Variants in PDE4D observed in about 807,000 individuals in gnomAD.
The protein encoded by PDE4D is phosphodiesterase 4D.
In PDE4D, 24 loss-of-function variants were observed where a neutral mutation model predicts 87.4. The observed-to-expected ratio is 0.27, with a 90% CI of 0.20 to 0.39. The LOEUF (loss-of-function observed/expected upper bound fraction) is 0.39. Among genes scored for constraint, PDE4D ranks in the 10% least tolerant of loss-of-function variants. The pLI is 1.00. For synonymous variants in PDE4D, 384 were observed against 383.2 expected (o/e 1.00, Z -0.02); for missense variants, 714 against 1,041.0 (o/e 0.69, Z 4.32).
chr5:59,391,267 G>C (rs909458688), intron 1 of PDE4D, among the ~76,000 whole-genome samples: 2 of 151,980 alleles, frequency 1.3e-5, no homozygotes, highest in Non-Finnish European at 2.9e-5. Flanking sequence ...TTCTCCTAGG[G>C]GACTTCATTT....
At chr5:58,982,493 T>A (rs1475803151) in intron 11 of PDE4D, among the ~76,000 whole-genome samples, 1 of 152,146 alleles carries the variant, frequency 6.6e-6, no homozygotes, top group Non-Finnish European at 1.5e-5. Flanking sequence ...AATACCATAG[T>A]TTTGGCAGAA....
At position 59,757,272 on chromosome 5, in the gene PDE4D, T is replaced by C. The variant is rs928250523; in HGVS notation, c.455+135896A>G. On this transcript the variant is annotated intron_variant, in intron 1 of 14. Transcript: ENST00000340635. ...AGGTAGTTTTGGCCCTGTATACATT[T>C]GCTTACGAAAACCAAAAGTCAGACC... Among the ~76,000 whole-genome samples, 8 of 152,320 alleles carry C rather than the reference T, an allele frequency of 5.3e-5. 1 individual carries two copies. The East Asian group carries it at 1.5e-3, about 29-fold the overall frequency.
intron 1 of PDE4D, among the ~76,000 whole-genome samples, chr5:59,234,528 G>A (rs930297072): frequency 6.6e-6 from 1 of 152,064 alleles, no homozygotes; most frequent in African/African-American, 2.4e-5. Flanking sequence ...AGTAGCAATT[G>A]TAATTCTTTT....
intron 11 of PDE4D, among the ~76,000 whole-genome samples, chr5:58,983,772 CA>C (rs1416662533): frequency 1.3e-5 from 2 of 152,178 alleles, no homozygotes; most frequent in African/African-American, 4.8e-5. Flanking sequence ...GAGCCCCACT[CA>C]AAACTAGCAG....
chr5:60,354,222 A>G (rs1252939195), intron 1 of PDE4D, among the ~76,000 whole-genome samples: 1 of 152,110 alleles, frequency 6.6e-6, no homozygotes, highest in East Asian at 1.9e-4. Flanking sequence ...CTATTTAAGA[A>G]ACATTATTTA....
chr5:60,257,253 AAAAGAAAAG>A (rs1749178066), intron 1 of PDE4D, among the ~76,000 whole-genome samples: 2 of 143,078 alleles, frequency 1.4e-5, no homozygotes, highest in African/African-American at 5.2e-5. Context: ...AGAAAGAAAG[AAAAGAAAAG>A]AAAGAGAGAA....
chr5:59,201,917 C>T (rs1227864613), intron 2 of PDE4D, among the ~76,000 whole-genome samples: 1 of 151,610 alleles, frequency 6.6e-6, no homozygotes, highest in African/African-American at 2.4e-5. Flanking sequence ...ATATGAGTAA[C>T]ATTAAAGCTG....
At chr5:59,414,980 C>T (rs1562143372) in intron 1 of PDE4D, among the ~76,000 whole-genome samples, 1 of 152,154 alleles carries the variant, frequency 6.6e-6, no homozygotes, top group Non-Finnish European at 1.5e-5. Context: ...ATAAAGATAC[C>T]ATTTTCAGAA....
At chr5:60,386,000 A>C (rs1284295388) in intron 1 of PDE4D, among the ~76,000 whole-genome samples, 1 of 152,176 alleles carries the variant, frequency 6.6e-6, no homozygotes, top group East Asian at 1.9e-4. Flanking sequence ...GTGAATTCCC[A>C]ACAAGAAAGG....
chr5:59,592,107 T>C, intron 1 of PDE4D: 1 of 984,684 alleles, frequency 1.0e-6, no homozygotes, highest in Non-Finnish European at 1.2e-6. Flanking sequence ...GAAAAGAACA[T>C]TCAAGACCAA....
At chr5:59,260,963 G>A (rs1378464426) in intron 1 of PDE4D, among the ~76,000 whole-genome samples, 2 of 148,606 alleles carry the variant, frequency 1.3e-5, no homozygotes, top group African/African-American at 4.9e-5. Context: ...GCAGAGGATA[G>A]TAAATGGGAT....
chr5:59,195,940 A>T (rs575762426), intron 2 of PDE4D, among the ~76,000 whole-genome samples: 1 of 152,284 alleles, frequency 6.6e-6, no homozygotes, highest in Non-Finnish European at 1.5e-5. Context: ...GGTCTATAAA[A>T]GATTGAGGGC....
At chr5:60,314,280 T>A (rs919354751) in intron 1 of PDE4D, among the ~76,000 whole-genome samples, 6 of 151,716 alleles carry the variant, frequency 4.0e-5, no homozygotes, top group African/African-American at 1.5e-4. Context: ...AATTCTCCTG[T>A]CTCAGCCTCC....
chr5:59,048,308 G>T (rs1761024956), intron 5 of PDE4D, among the ~76,000 whole-genome samples: 1 of 152,098 alleles, frequency 6.6e-6, no homozygotes, highest in Non-Finnish European at 1.5e-5. Context: ...TTCCCTGGGG[G>T]GACTGTAGGA....
At chr5:60,009,027 G>C (rs1033415520) in intron 2 of PDE4D, among the ~76,000 whole-genome samples, 1 of 151,970 alleles carries the variant, frequency 6.6e-6, no homozygotes, top group African/African-American at 2.4e-5. Context: ...TGGTGAACAG[G>C]AAATGTGAAG....
chr5:59,841,703 C>A lies in PDE4D; in HGVS notation c.455+51465G>T, dbSNP rs569431562. 2.0e-5 allele frequency among the ~76,000 whole-genome samples: 3 copies of A among 151,982 alleles called. No individual in the cohort carries two copies. In the East Asian group the frequency reaches 5.8e-4, roughly 30 times the overall value. On this transcript the variant is annotated intron_variant, in intron 1 of 14. Transcript: ENST00000340635. ...CGGGACACCAGGACAACAGAGAAGC[C>A]CAAGTTCCAAAGTGGGAACAGAGAG...
rs566839896 is a variant in PDE4D, at chr5:60,441,832, GA to G, written c.-90+46109del. Among the ~76,000 whole-genome samples, 590 of 151,630 alleles carry G rather than the reference GA, an allele frequency of 3.9e-3. 5 individuals are homozygous for G. Among genetic ancestry groups the G allele is most frequent in the African/African-American group, 0.014 (577 of 41,394 alleles). On this transcript the variant is annotated intron_variant, in intron 1 of 16. Transcript: ENST00000502484. The stretch of plus-strand genomic sequence containing the variant: ...ACATTTATGCCCCCTGCAAACGTAT[GA>G]AAAAAAAGCTCATCATCACTGGTCA...
chr5:59,012,136 A>G (rs1752936133), intron 6 of PDE4D, among the ~76,000 whole-genome samples: 1 of 152,242 alleles, frequency 6.6e-6, no homozygotes, highest in Admixed American at 6.5e-5. Flanking sequence ...CTGCCTTACA[A>G]GAGCTCCTGA....
chr5:59,050,486 T>G (rs1428305221), intron 5 of PDE4D, among the ~76,000 whole-genome samples: 2 of 152,208 alleles, frequency 1.3e-5, no homozygotes, highest in African/African-American at 2.4e-5. Flanking sequence ...AGAGAACAAA[T>G]TTCAGAACTC....
Sources: gnomAD v4.1 joint callset for allele counts (sites outside exome capture counted in the v4.1 genomes callset) on GRCh38, gnomAD v4.1.1 for gene constraint, MANE v1.5 for transcripts, NCBI Gene and HGNC (gene_info 2026-07-23, HGNC 2026-07-21) for gene names.